Variants in SAMD11 observed in about 807,000 individuals in gnomAD.
SAMD11 encodes the protein sterile alpha motif domain-containing protein 11.
In SAMD11, 77 loss-of-function variants were observed where a neutral mutation model predicts 64.4. That is an observed-to-expected ratio of 1.20 (90% CI 0.99 to 1.44). SAMD11 has a LOEUF of 1.44. SAMD11 is among the 40% of genes most tolerant of loss of function. SAMD11 has a pLI of 0.00. For missense variants in SAMD11, 1,402 were observed against 943.3 expected (o/e 1.49, Z -6.37); for synonymous variants, 658 against 421.9 (o/e 1.56, Z -6.86).
intron 13 of SAMD11, 35 bp downstream of exon 13, chr1:943,843 A>C: frequency 6.2e-7 from 1 of 1,612,754 alleles, no homozygotes. Context: ...GGGTCTCCAG[A>C]CCACAGCTGG....
At chr1:932,190 T>A (rs1043132186) in intron 4 of SAMD11, among the ~76,000 whole-genome samples, 5 of 152,238 alleles carry the variant, frequency 3.3e-5, no homozygotes, top group Non-Finnish European at 5.9e-5. Flanking sequence ...GATGACATTT[T>A]ATGAGCCTTT....
At chr1:930,969 G>T (rs1249982757) in intron 3 of SAMD11, 70 bp from the exon 4 acceptor site, 15 of 1,490,562 alleles carry the variant, frequency 1.0e-5, no homozygotes, top group Non-Finnish European at 1.3e-5. Context: ...GTCTGCGCAC[G>T]CCCTGCTATC....
rs975214363 is a variant in SAMD11, at chr1:944,368, G to A, written c.*215G>A. The stretch of plus-strand genomic sequence containing the variant: ...AGATGGACGAGGTCTGCAGACGGAG[G>A]GCAGAGGTGGTGGAAGGGGCCAGGG... On this transcript the variant is annotated 3_prime_UTR_variant, in exon 14 of 14. Transcript: ENST00000616016. 2.9e-5 allele frequency: 39 copies of A among 1,360,808 alleles called. 1 individual carries two copies. The Middle Eastern group carries it at 8.0e-4, about 28-fold the overall frequency. 84.3% of individuals were successfully genotyped at this position (1,360,808 alleles called of 1,614,324 possible).
intron 2 of SAMD11, among the ~76,000 whole-genome samples, chr1:929,456 C>T (rs1323451216): frequency 6.6e-6 from 1 of 152,242 alleles, no homozygotes; most frequent in Non-Finnish European, 1.5e-5. Context: ...TCAGCTCAGA[C>T]AGTTGCCAGT....
rs938171165 is a variant in SAMD11, at chr1:944,308, C to CAAAG, written c.*157_*160dup. 2.8e-5 allele frequency: 39 copies of CAAAG among 1,392,634 alleles called. No homozygotes were observed. The African/African-American group carries it at 4.8e-4, about 17-fold the overall frequency. 86.3% of individuals were successfully genotyped at this position (1,392,634 alleles called of 1,614,324 possible). ...ACTTCAAAGGAAAGGAACAAATTTT[C>CAAAG]AAAGACTTGGGGGAGTGAAGGCAGA... On this transcript the variant is annotated 3_prime_UTR_variant, in exon 14 of 14. Transcript: ENST00000616016.
At chr1:925,271 G>A (rs943883873) in intron 1 of SAMD11, 4 of 152,356 alleles carry the variant, frequency 2.6e-5, no homozygotes, top group African/African-American at 4.8e-5. Context: ...GGGTTGGGAG[G>A]GCGCGGAGCC....
In SAMD11 at chr1:943,689, C is replaced by A; in HGVS notation, c.2179-9C>A. 1 of 1,557,906 alleles carries A rather than the reference C, an allele frequency of 6.4e-7. No individual in the cohort carries two copies. Among genetic ancestry groups the A allele is most frequent in the East Asian group, 2.3e-5 (1 of 44,026 alleles). ...CCGGGTCCTGACCCTCCCTCCCTCC[C>A]CCTTCCAGGTCTTCAGGGAGCAGGG... On this transcript the variant is annotated splice_polypyrimidine_tract_variant and intron_variant, in intron 12 of 13. Transcript: ENST00000616016.
chr1:930,285 G>A lies in SAMD11; in HGVS notation c.740G>A (p.Arg247Gln), dbSNP rs145442390. 725 of 1,608,740 alleles carry A rather than the reference G, an allele frequency of 4.5e-4. No individual in the cohort carries two copies. The highest frequency in any genetic ancestry group is 2.1e-3 in the Middle Eastern group (13 of 6,052). Residue 247 changes from arginine (R) to glutamine (Q), a missense_variant, in exon 3 of 14, where the codon CGG (arginine) becomes CAG (glutamine). By Grantham distance (43) the Arg-to-Gln change is conservative. Coordinates refer to ENST00000616016, the MANE Select transcript of SAMD11 (RefSeq NM_001385641.1). ...GGGAGTGGCCCCACCTGTGGGCGGC[G>A]GCCAGGCTTGAAGCAGGAGGATGGT... Reference protein sequence around the residue: ...SDGSGPTCGRRPGLKQEDGPH... With the variant: ...SDGSGPTCGRQPGLKQEDGPH...
rs747575887 is a variant in SAMD11, at chr1:942,851, G to C, written c.1846G>C (p.Ala616Pro). 3.9e-6 allele frequency: 6 copies of C among 1,552,316 alleles called. No individual in the cohort carries two copies. In the East Asian group the frequency reaches 7.3e-5, roughly 19 times the overall value. Residue 616 changes from alanine (A) to proline (P), a missense_variant, in exon 11 of 14, where the codon GCT becomes CCT. Coordinates refer to ENST00000616016, the MANE Select transcript of SAMD11 (RefSeq NM_001385641.1). ...RPSESKEMTG[A>P]RLWAQDGSED... ...CAGCGAGTCCAAGGAGATGACGGGG[G>C]CTAGGCTCTGGGCACAAGATGGCTC...
Position 932,337 on chromosome 1 carries a change from C to T in SAMD11, c.842+1248C>T, listed in dbSNP as rs570198461. On this transcript the variant is annotated intron_variant, in intron 4 of 13. Transcript: ENST00000616016. ...CGTCTGCCTGGCCTCGGGAATGCAGCGTCCCTCGGCAGCACTGACGGCAGA... is the reference window on the plus strand; with the variant it reads ...CGTCTGCCTGGCCTCGGGAATGCAGTGTCCCTCGGCAGCACTGACGGCAGA... 4.8e-4 allele frequency among the ~76,000 whole-genome samples: 73 copies of T among 152,310 alleles called. 1 individual carries two copies. Among genetic ancestry groups the T allele is most frequent in the African/African-American group, 1.7e-3 (71 of 41,574 alleles).
At position 924,279 on chromosome 1, in the gene SAMD11, C is replaced by G. The variant is rs945778316; in HGVS notation, c.-153C>G. 2 of 149,694 alleles carry G rather than the reference C, an allele frequency of 1.3e-5. No homozygotes were observed. The highest frequency in any genetic ancestry group is 4.9e-5 in the African/African-American group (2 of 41,084). 9.3% of individuals were successfully genotyped at this position (149,694 alleles called of 1,614,324 possible). On this transcript the variant is annotated 5_prime_UTR_variant, in exon 1 of 14. Coordinates refer to ENST00000616016, the MANE Select transcript of SAMD11 (RefSeq NM_001385641.1). The stretch of plus-strand genomic sequence containing the variant: ...GTCCGGGGAGGCCTGGCGGGCGGCG[C>G]GTAGGCGGCGGCTGCGGGCGCCGGG...
rs886816455 is a variant in SAMD11 at position 928,343 on chromosome 1, G to T, written c.610-1812G>T. ...GGAGGCGGAGCTTGCAGTGAGCCCA[G>T]ATTGTGCCACCGCACTCCAGCCTGG... On this transcript the variant is annotated intron_variant, in intron 2 of 13. Coordinates refer to ENST00000616016, the MANE Select transcript of SAMD11 (RefSeq NM_001385641.1). Among the ~76,000 whole-genome samples the T allele has an allele frequency of 2.0e-5, 3 of 152,248 alleles. No homozygotes were observed. The South Asian group carries it at 6.2e-4, about 31-fold the overall frequency.
chr1:939,793 G>A (rs1026782917), intron 7 of SAMD11, among the ~76,000 whole-genome samples: 2 of 42,580 alleles, frequency 4.7e-5, no homozygotes, highest in African/African-American at 8.5e-5. Context: ...AGTGGACGCC[G>A]ACCTGCCAGA....
At chr1:926,573 T>G (rs1239394174) in intron 2 of SAMD11, among the ~76,000 whole-genome samples, 3 of 152,138 alleles carry the variant, frequency 2.0e-5, no homozygotes, top group African/African-American at 7.2e-5. Context: ...GGGCCTTTGG[T>G]GTCCAGGGAA....
intron 12 of SAMD11, 130 bp downstream of exon 12, chr1:943,507 A>G: frequency 1.1e-6 from 1 of 923,346 alleles, no homozygotes; most frequent in Non-Finnish European, 1.6e-6. Flanking sequence ...CGCAGCAGGG[A>G]CTGGACTGTG....
chr1:939,366 C>T lies in SAMD11; in HGVS notation c.1149C>T (p.Thr383=). 6.2e-7 allele frequency: 1 copy of T among 1,609,030 alleles called. No individual in the cohort carries two copies. The highest frequency in any genetic ancestry group is 1.4e-5 in the African/African-American group (1 of 71,760). The part of the protein sequence containing the change: ...RLVSALSEAS[T]FEDPQRLYHL... The stretch of plus-strand genomic sequence containing the variant: ...TGTCAGCACTGAGCGAGGCCAGCAC[C>T]TTTGAGGACCCTCAGCGCCTCTACC... Residue 383 remains threonine, a synonymous_variant, in exon 7 of 14, where the codon ACC becomes ACT. Transcript: ENST00000616016.
chr1:930,019 T>G, intron 2 of SAMD11, 136 bp from the exon 3 acceptor site: 2 of 1,058,580 alleles, frequency 1.9e-6, no homozygotes, highest in Non-Finnish European at 2.7e-6. Context: ...TCTGCCGTGC[T>G]TGGGGCTCGG....
At chr1:933,381 C>T (rs1331140842) in intron 4 of SAMD11, among the ~76,000 whole-genome samples, 1 of 152,162 alleles carries the variant, frequency 6.6e-6, no homozygotes, top group African/African-American at 2.4e-5. Context: ...CAGGTGGCAC[C>T]CAGCTCCCCA....
At chr1:925,854 G>GC (rs1640856985) in intron 1 of SAMD11, 68 bp from the exon 2 acceptor site, 1 of 1,144,944 alleles carries the variant, frequency 8.7e-7, no homozygotes, top group Non-Finnish European at 1.3e-6. Flanking sequence ...GGGGGTACTG[G>GC]CCCTGCCGCT....
Sources: gnomAD v4.1 joint callset for allele counts (sites outside exome capture counted in the v4.1 genomes callset) on GRCh38, gnomAD v4.1.1 for gene constraint, MANE v1.5 for transcripts, NCBI Gene and HGNC (gene_info 2026-07-23, HGNC 2026-07-21) for gene names.